The following KIF26B variants were observed in gnomAD, a reference collection of about 807,000 sequenced individuals.
The protein encoded by KIF26B is kinesin family member 26B, also known as kinesin-like protein KIF26B.
In KIF26B, 63 loss-of-function variants were observed where a neutral mutation model predicts 151.2. The ratio of observed to expected loss-of-function variants is 0.42; its 90% CI spans 0.34 to 0.51. KIF26B has a LOEUF of 0.51. KIF26B is among the 20% of genes least tolerant of loss of function. The pLI, the probability that KIF26B is intolerant of heterozygous loss-of-function variation, is 0.07. For missense variants in KIF26B, 2,813 were observed against 2,913.6 expected, an observed-to-expected ratio of 0.97 and a Z score of 0.79; for synonymous variants, 1,357 against 1,262.1, an observed-to-expected ratio of 1.08 and a Z score of -1.59.
chr1:245,559,710 C>A (rs1290648031), intron 5 of KIF26B, among the ~76,000 whole-genome samples: 1 of 152,116 alleles, frequency 6.6e-6, no homozygotes, highest in Admixed American at 6.5e-5. Flanking sequence ...CCGTGCCCAG[C>A]CTATTTTTGT....
chr1:245,567,906 G>A (rs7547183), intron 5 of KIF26B, among the ~76,000 whole-genome samples: 41,105 of 151,776 alleles, frequency 0.27, 5,740 homozygotes, highest in African/African-American at 0.32. Context: ...TAAAGGGGCC[G>A]GGCACGGTGG....
At position 245,667,832 on chromosome 1, in the gene KIF26B, A is replaced by G. The variant is rs1421632390; in HGVS notation, c.2259-16401A>G. Among the ~76,000 whole-genome samples, 1 of 152,206 alleles carries G rather than the reference A, an allele frequency of 6.6e-6. No individual in the cohort carries two copies. The highest frequency in any genetic ancestry group is 1.5e-5 in the Non-Finnish European group (1 of 68,040). On this transcript the variant is annotated intron_variant, in intron 10 of 14. Transcript: ENST00000407071. The surrounding 1 kb of genome is among the most constrained non-coding windows in gnomAD (Gnocchi z 4.3). ...AAACAAAAGGGACCAAAGAGGTGGC[A>G]TGAGTAGCATGAGTCAGATGTGATT...
chr1:245,380,427 C>G (rs953894883), intron 3 of KIF26B, among the ~76,000 whole-genome samples: 1 of 152,204 alleles, frequency 6.6e-6, no homozygotes, highest in African/African-American at 2.4e-5. Context: ...ATCACCTTCA[C>G]TAGGCTGCTC....
intron 10 of KIF26B, among the ~76,000 whole-genome samples, chr1:245,675,130 T>G (rs2044342892): frequency 6.6e-6 from 1 of 152,180 alleles, no homozygotes. Context: ...TAGGACGGTT[T>G]CAAAAGGGAC....
chr1:245,541,011 G>A (rs181256193), intron 5 of KIF26B, 61 bp downstream of exon 5: 36 of 1,439,562 alleles, frequency 2.5e-5, no homozygotes, highest in Non-Finnish European at 3.3e-5. Flanking sequence ...TCAAGTTTCA[G>A]GAGGAAGAAA....
intron 2 of KIF26B, among the ~76,000 whole-genome samples, chr1:245,224,386 C>T (rs548817938): frequency 5.3e-5 from 8 of 152,296 alleles, no homozygotes; most frequent in Middle Eastern, 3.4e-3. Flanking sequence ...AGGGCGTATA[C>T]GCAGTTGTTT....
At chr1:245,415,754 C>T (rs145547830) in intron 3 of KIF26B, among the ~76,000 whole-genome samples, 72 of 151,010 alleles carry the variant, frequency 4.8e-4, no homozygotes, top group African/African-American at 1.5e-3. Context: ...AATGTCTGCA[C>T]GTTTCTTAGA....
intron 2 of KIF26B, among the ~76,000 whole-genome samples, chr1:245,317,659 G>T (rs1215696165): frequency 1.3e-5 from 2 of 152,212 alleles, no homozygotes; most frequent in South Asian, 2.1e-4. Flanking sequence ...GGAGAGGGAA[G>T]ACCCGCATTC....
intron 2 of KIF26B, among the ~76,000 whole-genome samples, chr1:245,238,432 G>A (rs1053742124): frequency 6.6e-5 from 10 of 152,298 alleles, no homozygotes; most frequent in Middle Eastern, 3.4e-3. Context: ...TGTATTTGAT[G>A]AAGGACCAGT....
At chr1:245,659,336 A>G (rs1572183393) in intron 10 of KIF26B, among the ~76,000 whole-genome samples, 1 of 152,226 alleles carries the variant, frequency 6.6e-6, no homozygotes, top group Non-Finnish European at 1.5e-5. Context: ...ATCTTTAGTG[A>G]CAGATATGAG....
intron 4 of KIF26B, among the ~76,000 whole-genome samples, chr1:245,515,337 G>A (rs1660937253): frequency 6.6e-6 from 1 of 152,010 alleles, no homozygotes; most frequent in African/African-American, 2.4e-5. Flanking sequence ...CACGCTTACC[G>A]TGCAGCCATC....
At chr1:245,376,939 C>G (rs1673290091) in intron 3 of KIF26B, among the ~76,000 whole-genome samples, 1 of 152,076 alleles carries the variant, frequency 6.6e-6, no homozygotes, top group African/African-American at 2.4e-5. Flanking sequence ...CTGCCTGCCT[C>G]AGCCTCCCAA....
At chr1:245,497,629 C>A (rs563714077) in intron 4 of KIF26B, among the ~76,000 whole-genome samples, 208 of 152,252 alleles carry the variant, frequency 1.4e-3, no homozygotes, top group Non-Finnish European at 2.1e-3. Flanking sequence ...GCTAACTAAC[C>A]ACTCACCCCT....
Position 245,402,708 on chromosome 1 carries a change from G to C in KIF26B, c.1000-16871G>C, listed in dbSNP as rs569487663. Among the ~76,000 whole-genome samples the C allele has an allele frequency of 1.0e-3, 157 of 152,304 alleles. 1 individual carries two copies. The highest frequency in any genetic ancestry group is 3.6e-3 in the African/African-American group (149 of 41,562). ...AGGATTGTTATAGATATGTCATACTGAAGGCTGCCTTGGATGGAAAATCAA... is the reference window on the plus strand; with the variant it reads ...AGGATTGTTATAGATATGTCATACTCAAGGCTGCCTTGGATGGAAAATCAA... On this transcript the variant is annotated intron_variant, in intron 3 of 14. Transcript: ENST00000407071.
intron 2 of KIF26B, among the ~76,000 whole-genome samples, chr1:245,364,718 C>A (rs1672903383): frequency 6.6e-6 from 1 of 152,170 alleles, no homozygotes; most frequent in African/African-American, 2.4e-5. Flanking sequence ...CCGCGCCCGG[C>A]TGAAATGACT....
chr1:245,225,268 C>T (rs776099911), intron 2 of KIF26B, among the ~76,000 whole-genome samples: 1 of 152,198 alleles, frequency 6.6e-6, no homozygotes, highest in Non-Finnish European at 1.5e-5. Flanking sequence ...CCAGTTAAAG[C>T]GCTGTTGTTT....
chr1:245,168,781 G>A lies in KIF26B; in HGVS notation c.465+12098G>A, dbSNP rs181553685. ...CAGTATTTACATATCACATGCCCCT[G>A]ACGTGGGTTTAATGCCCCGTAGTGT... On this transcript the variant is annotated intron_variant, in intron 2 of 14. Transcript: ENST00000407071. Among the ~76,000 whole-genome samples, 74 of 152,240 alleles carry A rather than the reference G, an allele frequency of 4.9e-4. 1 individual carries two copies. In the East Asian group the frequency reaches 0.012, roughly 25 times the overall value.
chr1:245,575,685 G>A (rs1025828681), intron 5 of KIF26B, among the ~76,000 whole-genome samples: 4 of 152,092 alleles, frequency 2.6e-5, no homozygotes, highest in South Asian at 2.1e-4. Context: ...TACCATGTGG[G>A]TGAGAATGTT....
intron 3 of KIF26B, among the ~76,000 whole-genome samples, chr1:245,406,497 G>A (rs879706569): frequency 6.6e-6 from 1 of 152,154 alleles, no homozygotes; most frequent in African/African-American, 2.4e-5. Flanking sequence ...TGGAGGTGAC[G>A]TAGGCCCTGG....
Sources: allele counts gnomAD v4.1 joint callset (sites outside exome capture counted in the v4.1 genomes callset), GRCh38; gene constraint gnomAD v4.1.1; non-coding constraint Gnocchi (gnomAD v3.1); transcripts MANE v1.5; gene names NCBI Gene and HGNC (gene_info 2026-07-23, HGNC 2026-07-21).